Variants in KAZN observed in about 807,000 individuals in gnomAD.
The protein encoded by KAZN is kazrin, periplakin interacting protein.
Under a neutral mutation model 87.4 loss-of-function variants are expected in KAZN, and 40 were observed. The observed-to-expected ratio is 0.46, with a 90% confidence interval of 0.36 to 0.60. KAZN has a LOEUF of 0.60. Ranked by LOEUF, KAZN falls within the 20% of genes least tolerant of loss-of-function variation. The pLI, the probability that KAZN is intolerant of heterozygous loss-of-function variation, is 0.00. For missense variants in KAZN, 898 were observed against 1,073.9 expected, an observed-to-expected ratio of 0.84 and a Z score of 2.29; for synonymous variants, 466 against 458.3, an observed-to-expected ratio of 1.02 and a Z score of -0.22.
intron 1 of KAZN, among the ~76,000 whole-genome samples, chr1:14,626,704 G>A (rs1489828324): frequency 6.6e-6 from 1 of 152,096 alleles, no homozygotes; most frequent in African/African-American, 2.4e-5. Flanking sequence ...CCTTACCGTG[G>A]CTCCTGAGGC....
intron 1 of KAZN, among the ~76,000 whole-genome samples, chr1:14,062,732 C>A (rs1382120946): frequency 6.6e-6 from 1 of 151,946 alleles, no homozygotes; most frequent in Non-Finnish European, 1.5e-5. Context: ...CCAAATCAAT[C>A]TTTAATTAAA....
intron 1 of KAZN, among the ~76,000 whole-genome samples, chr1:13,982,186 G>A (rs569434936): frequency 3.2e-4 from 48 of 152,348 alleles, no homozygotes; most frequent in African/African-American, 1.2e-3. Context: ...GGCGGATCAT[G>A]GACGTGTTTT....
intron 1 of KAZN, among the ~76,000 whole-genome samples, chr1:14,688,148 A>G (rs1312828769): frequency 6.6e-6 from 1 of 152,208 alleles, no homozygotes; most frequent in East Asian, 1.9e-4. Context: ...TACTGTCTTC[A>G]TACCCAGCCT....
chr1:14,030,607 AAGAG>A lies in KAZN; in HGVS notation c.91+136853_91+136856del, dbSNP rs149716255. ...AAAATAAATAAGTAAATGTGAAAGA[AAGAG>A]AAAAAATTGGCAATGTACACAGATA... On this transcript the variant is annotated intron_variant, in intron 1 of 16. Coordinates refer to the KAZN transcript ENST00000636203. Among the ~76,000 whole-genome samples, 89 of 150,478 alleles carry A rather than the reference AAGAG, an allele frequency of 5.9e-4. 1 individual carries two copies. Among genetic ancestry groups the A allele is most frequent in the African/African-American group, 2.1e-3 (86 of 40,742 alleles).
At chr1:14,529,354 C>T in intron 2 of KAZN, among the ~76,000 whole-genome samples, 1 of 152,168 alleles carries the variant, frequency 6.6e-6, no homozygotes, top group East Asian at 1.9e-4. Flanking sequence ...TACCATCCCG[C>T]TATCCAATGG....
intron 1 of KAZN, among the ~76,000 whole-genome samples, chr1:14,812,386 G>A (rs1363367105): frequency 1.3e-5 from 2 of 152,188 alleles, no homozygotes; most frequent in Admixed American, 6.5e-5. Flanking sequence ...GGGCACCCAC[G>A]TGTCTTCAAC....
chr1:13,965,224 T>C (rs2101034928), intron 1 of KAZN, among the ~76,000 whole-genome samples: 1 of 152,196 alleles, frequency 6.6e-6, no homozygotes, highest in East Asian at 1.9e-4. Flanking sequence ...TTTCAAGTTC[T>C]GTGTTGAGAC....
chr1:14,378,297 G>T (rs974850248), intron 2 of KAZN, among the ~76,000 whole-genome samples: 3 of 144,340 alleles, frequency 2.1e-5, no homozygotes, highest in East Asian at 3.9e-4. Context: ...ACAATAAAAG[G>T]CTTATCCTTT....
chr1:14,560,438 G>T (rs1049561834), intron 2 of KAZN, among the ~76,000 whole-genome samples: 1 of 152,166 alleles, frequency 6.6e-6, no homozygotes, highest in Non-Finnish European at 1.5e-5. Flanking sequence ...AATTAGCCAG[G>T]CGTGGTGGTA....
At chr1:14,302,872 T>A (rs754949780) in intron 2 of KAZN, among the ~76,000 whole-genome samples, 2 of 152,186 alleles carry the variant, frequency 1.3e-5, no homozygotes, top group Non-Finnish European at 2.9e-5. Context: ...CGACGTGAGT[T>A]GTAAGAAGGA....
chr1:14,952,600 G>T (rs897878811), intron 1 of KAZN, among the ~76,000 whole-genome samples: 3 of 152,004 alleles, frequency 2.0e-5, no homozygotes, highest in Non-Finnish European at 2.9e-5. Flanking sequence ...TGTTGATCAG[G>T]GTGTCCACCC....
intron 2 of KAZN, among the ~76,000 whole-genome samples, chr1:15,026,884 C>T (rs1671217702): frequency 6.6e-6 from 1 of 151,894 alleles, no homozygotes; most frequent in South Asian, 2.1e-4. Flanking sequence ...CACGGGAGGA[C>T]GTGTGTAGAT....
At chr1:13,944,933 C>A (rs1641079257) in intron 1 of KAZN, among the ~76,000 whole-genome samples, 1 of 151,194 alleles carries the variant, frequency 6.6e-6, no homozygotes, top group Admixed American at 6.6e-5. Context: ...GAAAAAAATC[C>A]AACACTATGA....
intron 1 of KAZN, among the ~76,000 whole-genome samples, chr1:13,961,329 A>G (rs1422078030): frequency 6.6e-6 from 1 of 152,238 alleles, no homozygotes; most frequent in Non-Finnish European, 1.5e-5. Context: ...ATGCACATGT[A>G]CAAATTCCTG....
intron 1 of KAZN, among the ~76,000 whole-genome samples, chr1:14,716,797 T>C (rs937961407): frequency 6.6e-6 from 1 of 152,166 alleles, no homozygotes; most frequent in African/African-American, 2.4e-5. Flanking sequence ...ATCCCAGACA[T>C]GGCTCTAGCC....
intron 2 of KAZN, among the ~76,000 whole-genome samples, chr1:14,381,380 A>C (rs1338680468): frequency 6.6e-6 from 1 of 152,178 alleles, no homozygotes; most frequent in Non-Finnish European, 1.5e-5. Context: ...CAAAAAAAAA[A>C]AATTGTAGGC....
intron 1 of KAZN, among the ~76,000 whole-genome samples, chr1:14,918,748 A>ATATATATC (rs1169217550): frequency 1.5e-5 from 2 of 133,754 alleles, no homozygotes; most frequent in Non-Finnish European, 3.1e-5. Flanking sequence ...ATATATATAT[A>ATATATATC]TCCTGGGAGG....
intron 2 of KAZN, among the ~76,000 whole-genome samples, chr1:14,461,338 T>A (rs2148349724): frequency 6.6e-6 from 1 of 152,240 alleles, no homozygotes; most frequent in African/African-American, 2.4e-5. Flanking sequence ...GGGGGGCAGT[T>A]CCCGCATACT....
Position 14,180,444 on chromosome 1 carries a change from C to A in KAZN, c.101C>A (p.Ser34Ter). 1 of 1,549,842 alleles carries A rather than the reference C, an allele frequency of 6.5e-7. No homozygotes were observed. Among genetic ancestry groups the A allele is most frequent in the Non-Finnish European group, 8.7e-7 (1 of 1,146,644 alleles). Residue 34 changes from serine to a stop codon, truncating the protein, a stop_gained, in exon 2 of 17, where the codon TCA becomes TAA. Coordinates refer to the KAZN transcript ENST00000636203. LOFTEE classifies it high-confidence loss of function. The stretch of plus-strand genomic sequence containing the variant: ...CTTTTTCTTTCCACAGCTGTGCAAT[C>A]ATTGCACACCCTCAATGACCAGATT...
Sources: gnomAD v4.1 joint callset for allele counts (sites outside exome capture counted in the v4.1 genomes callset) on GRCh38, gnomAD v4.1.1 for gene constraint, MANE v1.5 for transcripts, NCBI Gene and HGNC (gene_info 2026-07-23, HGNC 2026-07-21) for gene names.